The following GBF1 variants were observed in gnomAD, a reference collection of about 807,000 sequenced individuals.
GBF1 encodes golgi brefeldin A resistant guanine nucleotide exchange factor 1.
GBF1 carries 114 observed loss-of-function variants against 210.5 expected under a neutral mutation model. The ratio of observed to expected loss-of-function variants is 0.54; its 90% CI spans 0.47 to 0.63. GBF1 has a LOEUF of 0.63. Among genes scored for constraint, GBF1 ranks in the 30% least tolerant of loss-of-function variants. The pLI is 0.00. For missense variants in GBF1, 1,851 were observed against 2,357.7 expected, an observed-to-expected ratio of 0.79 and a Z score of 4.45; for synonymous variants, 850 against 889.2, an observed-to-expected ratio of 0.96 and a Z score of 0.78.
rs1306160948 is a variant in GBF1, at chr10:102,373,198, CAT to C, written c.3661-2159_3661-2158del. On this transcript the variant is annotated intron_variant, in intron 29 of 39. Transcript: ENST00000369983. ...AATTATTAATAGAAAATGGACAAAACATAGGAACAGATGTTTCACCAAAGAAC... is the reference window on the plus strand; with the variant it reads ...AATTATTAATAGAAAATGGACAAAACAGGAACAGATGTTTCACCAAAGAAC... Among the ~76,000 whole-genome samples, 3 of 152,264 alleles carry C rather than the reference CAT, an allele frequency of 2.0e-5. No homozygotes were observed. In the East Asian group the frequency reaches 5.8e-4, roughly 29 times the overall value.
At chr10:102,231,036 G>A in the GBF1 span, 1 of 1,592,740 alleles carries the variant, frequency 6.3e-7, no homozygotes, top group Admixed American at 1.7e-5. Flanking sequence ...AGCTGCCTTT[G>A]CATAGCTCGG....
At chr10:102,235,009 A>G in the GBF1 span, among the ~76,000 whole-genome samples, 2 of 152,100 alleles carry the variant, frequency 1.3e-5, no homozygotes, top group Non-Finnish European at 2.9e-5. Flanking sequence ...ACTCAGACAT[A>G]ATAAGCACTT....
the GBF1 span, among the ~76,000 whole-genome samples, chr10:102,238,696 G>A: frequency 2.0e-5 from 3 of 152,088 alleles, no homozygotes; most frequent in East Asian, 1.9e-4. Context: ...CATTTAACTC[G>A]CACAACTGCC....
rs1259304974 is a variant in GBF1, at chr10:102,245,780, A to C, written c.-12A>C. ...GCCCCGCCATTTTGGATCCGCTGACAGGTCAGCGAAGTCTCTTCCTAGAGT... is the reference window on the plus strand; with the variant it reads ...GCCCCGCCATTTTGGATCCGCTGACCGGTCAGCGAAGTCTCTTCCTAGAGT... On this transcript the variant is annotated splice_region_variant and 5_prime_UTR_variant, in exon 1 of 40. Coordinates refer to ENST00000369983, the MANE Select transcript of GBF1 (RefSeq NM_001377137.1). 2 of 152,202 alleles carry C rather than the reference A, an allele frequency of 1.3e-5. No individual in the cohort carries two copies. Among genetic ancestry groups the C allele is most frequent in the Non-Finnish European group, 2.9e-5 (2 of 68,038 alleles). 9.4% of individuals were successfully genotyped at this position (152,202 alleles called of 1,614,324 possible). A position where few individuals can be genotyped will look rare whatever the true frequency, so the allele number is the denominator to read the frequency against.
At chr10:102,358,981 G>A in intron 10 of GBF1, 2 of 588,802 alleles carry the variant, frequency 3.4e-6, no homozygotes, top group Admixed American at 3.0e-5. Flanking sequence ...GAAGGAGCTG[G>A]CCATTGCTTT....
At chr10:102,247,518 T>C (rs1054036928) in intron 1 of GBF1, among the ~76,000 whole-genome samples, 4 of 152,186 alleles carry the variant, frequency 2.6e-5, no homozygotes, top group Non-Finnish European at 5.9e-5. Flanking sequence ...CCCTGTTGAG[T>C]TGATATGCTT....
the GBF1 span, among the ~76,000 whole-genome samples, chr10:102,232,716 C>T: frequency 2.0e-5 from 3 of 152,082 alleles, no homozygotes; most frequent in African/African-American, 7.2e-5. Flanking sequence ...CACTATAGCA[C>T]GCTACATACC....
At chr10:102,244,164 C>G (rs779531908), upstream of GBF1, among the ~76,000 whole-genome samples, 4 of 152,076 alleles carry the variant, frequency 2.6e-5, no homozygotes, top group Non-Finnish European at 5.9e-5. Context: ...AAAAACAAAA[C>G]AAAACAAAAA....
intron 38 of GBF1, 35 bp downstream of exon 38, chr10:102,380,721 C>G (rs2060791387): frequency 2.0e-6 from 3 of 1,538,016 alleles, no homozygotes; most frequent in Non-Finnish European, 1.8e-6. Context: ...CAAAAAGAGT[C>G]TCCTGCCTGG....
intron 3 of GBF1, among the ~76,000 whole-genome samples, chr10:102,333,501 C>T (rs1034797553): frequency 6.6e-6 from 1 of 151,438 alleles, no homozygotes; most frequent in Non-Finnish European, 1.5e-5. Context: ...AACAGGGTTC[C>T]ACTCTGTTGC....
At chr10:102,247,194 C>A (rs575596620) in intron 1 of GBF1, among the ~76,000 whole-genome samples, 3 of 152,166 alleles carry the variant, frequency 2.0e-5, no homozygotes, top group Non-Finnish European at 4.4e-5. Context: ...GAATGACTAA[C>A]TCAATTTTTC....
intron 3 of GBF1, among the ~76,000 whole-genome samples, chr10:102,282,119 T>C (rs1183010936): frequency 6.6e-6 from 1 of 150,938 alleles, no homozygotes; most frequent in Non-Finnish European, 1.5e-5. Context: ...TATTTTTTAG[T>C]AGAGATGGGG....
At chr10:102,245,953 A>C (rs1023652121) in intron 1 of GBF1, among the ~76,000 whole-genome samples, 172 bp downstream of exon 1, 5 of 152,156 alleles carry the variant, frequency 3.3e-5, no homozygotes, top group African/African-American at 4.8e-5. Flanking sequence ...GGAGGTATGC[A>C]GGGGCAAAGG....
In GBF1 at chr10:102,379,401, C is replaced by G; in HGVS notation, c.4612C>G (p.Leu1538Val). The change falls in exon 34 of 40, where the codon CTC (leucine) becomes GTC (valine). Residue 1538 changes from leucine (L) to valine (V), a missense_variant. By Grantham distance (32) the Leu-to-Val change is conservative. This residue lies in a region of GBF1 where 967 missense variants were observed against 1,247.7 expected (regional missense o/e 0.78). Coordinates refer to ENST00000369983, the MANE Select transcript of GBF1 (RefSeq NM_001377137.1). ...GAAGATTGAAGCTGATTCTCGCACC[C>G]TCTGGGCCCACTGCTGGTGCCCTTT... is the stretch of plus-strand genomic sequence containing the variant. ...GQKIEADSRT[L>V]WAHCWCPLLQ... 1 of 1,614,138 alleles carries G rather than the reference C, an allele frequency of 6.2e-7. No individual in the cohort carries two copies.
intron 3 of GBF1, among the ~76,000 whole-genome samples, chr10:102,318,402 G>A (rs1029211858): frequency 1.3e-5 from 2 of 150,866 alleles, no homozygotes; most frequent in Non-Finnish European, 2.9e-5. Flanking sequence ...TGTTGCCAAG[G>A]CTGGTCTTGA....
rs977253492 is a variant in GBF1 at position 102,263,995 on chromosome 10, G to T, written c.163+3879G>T. ...TAAAACAGATGTGTGGTTACCAGGGGCTGGGAGGGGGTATGGAGAGTGACT... is the reference window on the plus strand; with the variant it reads ...TAAAACAGATGTGTGGTTACCAGGGTCTGGGAGGGGGTATGGAGAGTGACT... On this transcript the variant is annotated intron_variant, in intron 3 of 39. Transcript: ENST00000369983. 2.9e-4 allele frequency among the ~76,000 whole-genome samples: 44 copies of T among 152,094 alleles called. 1 individual carries two copies. The highest frequency in any genetic ancestry group is 2.9e-3 in the Admixed American group (44 of 15,256).
At chr10:102,365,333 C>T in intron 17 of GBF1, 64 bp from the exon 18 acceptor site, 1 of 1,294,244 alleles carries the variant, frequency 7.7e-7, no homozygotes, top group Non-Finnish European at 1.1e-6. Context: ...ATGGTGGACT[C>T]CAGGCTGGCC....
At chr10:102,296,462 A>G (rs534739512) in intron 3 of GBF1, among the ~76,000 whole-genome samples, 39 of 152,312 alleles carry the variant, frequency 2.6e-4, no homozygotes, top group African/African-American at 9.4e-4. Flanking sequence ...AAAGAATTGT[A>G]GGCCAGACGC....
Position 102,380,633 on chromosome 10 carries a change from A to G in GBF1, c.5120A>G (p.Asp1707Gly), listed in dbSNP as rs2060786114. 1 of 1,614,032 alleles carries G rather than the reference A, an allele frequency of 6.2e-7. No individual in the cohort carries two copies. The highest frequency in any genetic ancestry group is 8.5e-7 in the Non-Finnish European group (1 of 1,179,980). Reference protein sequence around the residue: ...ALWEITWERIDCFLPHLRDEL... With the variant: ...ALWEITWERIGCFLPHLRDEL... ...TGGGAGATCACCTGGGAACGCATTG[A>G]CTGTTTTCTCCCTCACCTACGAGAT... The change falls in exon 38 of 40, where the codon GAC becomes GGC. Residue 1707 changes from aspartate (D) to glycine (G), a missense_variant. By Grantham distance (94) the Asp-to-Gly change is moderately conservative. Around this residue, in one of 3 missense-constraint regions of GBF1, gnomAD observed 967 missense variants for 1,247.7 expected, o/e 0.78. Coordinates refer to ENST00000369983, the MANE Select transcript of GBF1 (RefSeq NM_001377137.1).
Sources: allele counts gnomAD v4.1 joint callset (sites outside exome capture counted in the v4.1 genomes callset), GRCh38; gene constraint gnomAD v4.1.1; regional missense constraint gnomAD v4.1.1; transcripts MANE v1.5; gene names NCBI Gene and HGNC (gene_info 2026-07-23, HGNC 2026-07-21).